The following KLHDC1 variants were observed in gnomAD, a reference collection of about 807,000 sequenced individuals.
The protein encoded by KLHDC1 is kelch domain containing 1, also known as kelch domain-containing protein 1.
Under a neutral mutation model 68.3 loss-of-function variants are expected in KLHDC1, and 53 were observed. That is an observed-to-expected ratio of 0.78 (90% CI 0.62 to 0.98). KLHDC1 has a LOEUF of 0.98. KLHDC1 is among the 50% of genes least tolerant of loss of function. The pLI is 0.00. For missense variants in KLHDC1, 470 were observed against 492.3 expected, an observed-to-expected ratio of 0.95 and a Z score of 0.43; for synonymous variants, 148 against 159.0, an observed-to-expected ratio of 0.93 and a Z score of 0.52.
chr14:49,734,594 G>A lies in KLHDC1; in HGVS notation c.829G>A (p.Gly277Ser). The A allele has an allele frequency of 6.3e-7, 1 of 1,578,826 alleles. No homozygotes were observed. ...LSADNIPLSD[G>S]WIHNVTTNCW... Reference sequence around the variant, plus strand: ...GAACTGTCATGATATTGCAGGTGATGGTTGGATTCATAATGTCACAACAAA... The same window carrying A: ...GAACTGTCATGATATTGCAGGTGATAGTTGGATTCATAATGTCACAACAAA... The change falls in exon 10 of 13, where the codon GGT becomes AGT. Residue 277 changes from glycine (G) to serine (S), a missense_variant. Physicochemically the swap from Gly to Ser is moderately conservative, Grantham distance 56. Coordinates refer to ENST00000359332, the MANE Select transcript of KLHDC1 (RefSeq NM_172193.3).
chr14:49,713,846 A>T (rs748795354), intron 4 of KLHDC1, among the ~76,000 whole-genome samples: 42,661 of 49,414 alleles, frequency 0.86, 18,282 homozygotes, highest in East Asian at 0.93. Context: ...ATATATATAT[A>T]TATATTTTTT....
chr14:49,734,203 C>A (rs1416765303), intron 9 of KLHDC1, among the ~76,000 whole-genome samples: 1 of 152,082 alleles, frequency 6.6e-6, no homozygotes, highest in Non-Finnish European at 1.5e-5. Context: ...ATTAGATGAT[C>A]CCAAGACTTT....
At chr14:49,709,080 AT>A in intron 1 of KLHDC1, 78 bp from the exon 2 acceptor site, 1 of 649,490 alleles carries the variant, frequency 1.5e-6, no homozygotes, top group South Asian at 2.0e-5. Context: ...TTTATTAGCA[AT>A]TTTTCTCATC....
chr14:49,734,797 C>A, intron 10 of KLHDC1, 136 bp downstream of exon 10: 1 of 388,950 alleles, frequency 2.6e-6, no homozygotes, highest in Non-Finnish European at 4.7e-6. Flanking sequence ...CTTGATGTTA[C>A]CTAAATAATT....
At chr14:49,693,570 A>C (rs1315475212) in intron 1 of KLHDC1, among the ~76,000 whole-genome samples, 1 of 151,752 alleles carries the variant, frequency 6.6e-6, no homozygotes, top group Non-Finnish European at 1.5e-5. Flanking sequence ...CGGTTTGCCC[A>C]ATGCAAAGGC....
Position 49,743,779 on chromosome 14 carries a change from T to C in KLHDC1, c.1008T>C (p.Phe336=). 5 of 1,595,038 alleles carry C rather than the reference T, an allele frequency of 3.1e-6. No individual in the cohort carries two copies. The South Asian group carries it at 4.5e-5, about 14-fold the overall frequency. The change falls in exon 12 of 13, where the codon TTT becomes TTC. Residue 336 remains phenylalanine, a synonymous_variant. Coordinates refer to ENST00000359332, the MANE Select transcript of KLHDC1 (RefSeq NM_172193.3). ...GTCACTGTAATGATTTATTGATCTT[T>C]CAAACACAGCCTTATTCACTACTCA... is the stretch of plus-strand genomic sequence containing the variant. The part of the protein sequence containing the change: ...DTGHCNDLLI[F]QTQPYSLLRS...
chr14:49,694,295 A>AT (rs1268109754), intron 1 of KLHDC1, among the ~76,000 whole-genome samples: 2 of 152,000 alleles, frequency 1.3e-5, no homozygotes, highest in East Asian at 1.9e-4. Flanking sequence ...TAGTTTACAG[A>AT]TTTTTTTTCT....
chr14:49,714,673 C>G (rs769399814), intron 4 of KLHDC1, among the ~76,000 whole-genome samples: 1 of 151,658 alleles, frequency 6.6e-6, no homozygotes, highest in East Asian at 1.9e-4. Context: ...GTCCCAGCTA[C>G]TTGGGAGGCT....
intron 1 of KLHDC1, among the ~76,000 whole-genome samples, chr14:49,702,341 G>A (rs1295920849): frequency 6.6e-6 from 1 of 152,132 alleles, no homozygotes; most frequent in Non-Finnish European, 1.5e-5. Flanking sequence ...AGAGTGTGGA[G>A]AAATGAATTA....
At chr14:49,704,358 G>C (rs1461653878) in intron 1 of KLHDC1, among the ~76,000 whole-genome samples, 1 of 142,364 alleles carries the variant, frequency 7.0e-6, no homozygotes, top group African/African-American at 2.6e-5. Context: ...TCAATTTATA[G>C]CTTGTCTTTT....
At chr14:49,728,850 AC>A in intron 6 of KLHDC1, 75 bp from the exon 7 acceptor site, 3 of 1,037,902 alleles carry the variant, frequency 2.9e-6, no homozygotes, top group Non-Finnish European at 3.0e-6. Context: ...TAAGACTTTC[AC>A]ATACTGAGCA....
At chr14:49,723,133 T>C (rs1259137436) in intron 4 of KLHDC1, among the ~76,000 whole-genome samples, 1 of 139,230 alleles carries the variant, frequency 7.2e-6, no homozygotes, top group East Asian at 2.2e-4. Context: ...AACCATGAGA[T>C]CTCATGACAC....
At chr14:49,749,419 G>A in intron 12 of KLHDC1, among the ~76,000 whole-genome samples, 1 of 152,014 alleles carries the variant, frequency 6.6e-6, no homozygotes, top group East Asian at 1.9e-4. Context: ...TGTAATCCCA[G>A]CACTTTGGGA....
chr14:49,719,814 A>T, intron 4 of KLHDC1, among the ~76,000 whole-genome samples: 1 of 145,078 alleles, frequency 6.9e-6, no homozygotes, highest in African/African-American at 2.6e-5. Context: ...TCTTTCCTTT[A>T]TTTATTATTA....
At chr14:49,743,404 A>C (rs1013500960) in intron 11 of KLHDC1, among the ~76,000 whole-genome samples, 1 of 150,374 alleles carries the variant, frequency 6.7e-6, no homozygotes, top group African/African-American at 2.5e-5. Context: ...CATCTCAAAA[A>C]AAAAAAAAAA....
At chr14:49,695,115 G>GGTGT (rs753979963) in intron 1 of KLHDC1, among the ~76,000 whole-genome samples, 3 of 22,926 alleles carry the variant, frequency 1.3e-4, no homozygotes, top group African/African-American at 3.8e-4. Context: ...ATGCAGTTTT[G>GGTGT]ATGTGTGTGT....
intron 4 of KLHDC1, among the ~76,000 whole-genome samples, chr14:49,717,367 A>C (rs1888406146): frequency 6.6e-6 from 1 of 152,018 alleles, no homozygotes; most frequent in African/African-American, 2.4e-5. Flanking sequence ...ATCCTCACCT[A>C]TGCTTATTTT....
At chr14:49,749,076 G>A (rs949713670) in intron 12 of KLHDC1, among the ~76,000 whole-genome samples, 3 of 151,982 alleles carry the variant, frequency 2.0e-5, no homozygotes, top group Non-Finnish European at 2.9e-5. Context: ...TGGGATTACA[G>A]GCGTGAGCCA....
intron 4 of KLHDC1, among the ~76,000 whole-genome samples, chr14:49,713,633 C>A (rs927481013): frequency 4.0e-5 from 6 of 150,826 alleles, no homozygotes; most frequent in African/African-American, 1.5e-4. Flanking sequence ...TGCCTATAAT[C>A]CCAGCATTTT....
Sources: allele counts gnomAD v4.1 joint callset (sites outside exome capture counted in the v4.1 genomes callset), GRCh38; gene constraint gnomAD v4.1.1; transcripts MANE v1.5; gene names NCBI Gene and HGNC (gene_info 2026-07-23, HGNC 2026-07-21).